Variants in SUCLG2 observed in about 807,000 individuals in gnomAD.
SUCLG2 encodes succinate-CoA ligase GDP-forming subunit beta, also known as succinate--CoA ligase [GDP-forming] subunit beta, mitochondrial.
A neutral mutation model predicts 47.9 loss-of-function variants in SUCLG2; 42 were observed. That is an observed-to-expected ratio of 0.88 (90% CI 0.69 to 1.14). The LOEUF (loss-of-function observed/expected upper bound fraction) is 1.14, where lower values mean the gene tolerates loss of function less well. SUCLG2 is among the 50% of genes most tolerant of loss of function. SUCLG2 has a pLI of 0.00. For synonymous variants in SUCLG2, 195 were observed against 197.3 expected (o/e 0.99, Z 0.10); for missense variants, 571 against 525.9 (o/e 1.09, Z -0.84).
At chr3:67,377,115 T>C (rs79794760) in intron 10 of SUCLG2, among the ~76,000 whole-genome samples, 23,119 of 152,202 alleles carry the variant, frequency 0.15, 1,904 homozygotes, top group Middle Eastern at 0.23. Flanking sequence ...TTACAAAAAC[T>C]ATGAGTAGTC....
intron 9 of SUCLG2, among the ~76,000 whole-genome samples, chr3:67,477,933 C>T (rs1327235870): frequency 3.3e-5 from 5 of 152,162 alleles, no homozygotes; most frequent in African/African-American, 1.2e-4. Context: ...CACTGTTTGC[C>T]AGAAACTGTT....
chr3:67,416,366 C>A (rs1375349490), intron 9 of SUCLG2, among the ~76,000 whole-genome samples: 1 of 152,128 alleles, frequency 6.6e-6, no homozygotes, highest in Non-Finnish European at 1.5e-5. Flanking sequence ...AATCCTTTGC[C>A]ATACTGAAAT....
chr3:67,382,704 G>A (rs1702184420), intron 10 of SUCLG2, among the ~76,000 whole-genome samples: 1 of 152,184 alleles, frequency 6.6e-6, no homozygotes, highest in Non-Finnish European at 1.5e-5. Flanking sequence ...AAACTGATTT[G>A]CTTCATCAGT....
intron 2 of SUCLG2, among the ~76,000 whole-genome samples, chr3:67,603,949 T>G (rs78165229): frequency 3.3e-5 from 5 of 152,170 alleles, no homozygotes; most frequent in Non-Finnish European, 7.4e-5. Flanking sequence ...ATAAGCCTCC[T>G]AAGAAAATTG....
At chr3:67,398,450 G>C (rs1470007867) in intron 10 of SUCLG2, among the ~76,000 whole-genome samples, 3 of 151,754 alleles carry the variant, frequency 2.0e-5, no homozygotes, top group South Asian at 2.1e-4. Context: ...TCAGAGAAAT[G>C]CAAATCAAAA....
Position 67,499,720 on chromosome 3 carries a change from G to GTTTA in SUCLG2, c.758-1429_758-1426dup, listed in dbSNP as rs561344998. On this transcript the variant is annotated intron_variant, in intron 7 of 10. Coordinates refer to ENST00000307227, the MANE Select transcript of SUCLG2 (RefSeq NM_003848.4). ...ATGTCATCATAATGTTTGTTTGTTT[G>GTTTA]TTTATTTATTTATTTATTTATTTAT... Among the ~76,000 whole-genome samples the GTTTA allele has an allele frequency of 4.9e-3, 737 of 150,852 alleles. 1 individual carries two copies. Among genetic ancestry groups the GTTTA allele is most frequent in the Middle Eastern group, 0.017 (5 of 292 alleles).
intron 1 of SUCLG2, among the ~76,000 whole-genome samples, chr3:67,649,389 T>C (rs987165575): frequency 3.3e-5 from 5 of 152,258 alleles, no homozygotes; most frequent in African/African-American, 1.2e-4. Context: ...GAATGAGCTG[T>C]AATAAGCATT....
intron 9 of SUCLG2, among the ~76,000 whole-genome samples, chr3:67,459,163 C>T (rs116246269): frequency 2.0e-4 from 30 of 152,274 alleles, no homozygotes; most frequent in African/African-American, 7.2e-4. Context: ...AATATGAATT[C>T]GTTATCACAG....
At chr3:67,423,558 G>A (rs1368396244) in intron 9 of SUCLG2, among the ~76,000 whole-genome samples, 1 of 151,968 alleles carries the variant, frequency 6.6e-6, no homozygotes, top group Non-Finnish European at 1.5e-5. Context: ...TCTGTGCCTG[G>A]CATTTGAGTC....
chr3:67,425,750 C>T (rs530130961), intron 9 of SUCLG2, among the ~76,000 whole-genome samples: 1 of 152,124 alleles, frequency 6.6e-6, no homozygotes, highest in Admixed American at 6.5e-5. Context: ...ACTGTATGAG[C>T]CAATACCTTA....
At chr3:67,494,531 G>A (rs1705281580) in intron 9 of SUCLG2, among the ~76,000 whole-genome samples, 1 of 152,094 alleles carries the variant, frequency 6.6e-6, no homozygotes, top group African/African-American at 2.4e-5. Context: ...GAGGCTGTGC[G>A]AGGAGGATAC....
At chr3:67,417,856 C>T (rs1165594936) in intron 9 of SUCLG2, among the ~76,000 whole-genome samples, 2 of 152,188 alleles carry the variant, frequency 1.3e-5, no homozygotes, top group African/African-American at 2.4e-5. Context: ...TCCTCCTTTG[C>T]AAGGTGGCCC....
Position 67,470,144 on chromosome 3 carries a change from T to A in SUCLG2, c.1062+25654A>T, listed in dbSNP as rs1031135519. 2.0e-5 allele frequency among the ~76,000 whole-genome samples: 3 copies of A among 151,966 alleles called. No individual in the cohort carries two copies. In the East Asian group the frequency reaches 5.8e-4, roughly 29 times the overall value. ...TTTAATTGTATGGTCTATACATAAA[T>A]CTGATCTAATTCAGGGAATAGAATG... On this transcript the variant is annotated intron_variant, in intron 9 of 10. Transcript: ENST00000307227.
At chr3:67,374,102 A>G (rs1207792200), downstream of SUCLG2, among the ~76,000 whole-genome samples, 1 of 152,336 alleles carries the variant, frequency 6.6e-6, no homozygotes, top group East Asian at 1.9e-4. Context: ...TGTCTAGTTG[A>G]CATAATATAG....
At chr3:67,629,433 G>C (rs1030891654) in intron 1 of SUCLG2, among the ~76,000 whole-genome samples, 1 of 151,984 alleles carries the variant, frequency 6.6e-6, no homozygotes, top group Non-Finnish European at 1.5e-5. Context: ...TATGATTACT[G>C]GTTTATTATA....
At chr3:67,572,902 T>C (rs1707652551) in intron 2 of SUCLG2, among the ~76,000 whole-genome samples, 1 of 152,042 alleles carries the variant, frequency 6.6e-6, no homozygotes, top group Non-Finnish European at 1.5e-5. Context: ...GAAGACATAG[T>C]TCTGTATAGA....
At chr3:67,451,682 G>C (rs1704060248) in intron 9 of SUCLG2, among the ~76,000 whole-genome samples, 1 of 152,102 alleles carries the variant, frequency 6.6e-6, no homozygotes, top group Non-Finnish European at 1.5e-5. Flanking sequence ...TGGGGGTGGG[G>C]CGGCAATTAT....
chr3:67,370,072 G>A (rs1328091433), downstream of SUCLG2, among the ~76,000 whole-genome samples: 3 of 151,938 alleles, frequency 2.0e-5, no homozygotes, highest in Non-Finnish European at 4.4e-5. Flanking sequence ...CAATGTATGC[G>A]AATATTTTAC....
chr3:67,556,626 T>C (rs569694653), intron 2 of SUCLG2, among the ~76,000 whole-genome samples: 1 of 152,206 alleles, frequency 6.6e-6, no homozygotes, highest in African/African-American at 2.4e-5. Flanking sequence ...CTGCATATAT[T>C]TCTTGGCTTT....
Sources: gnomAD v4.1 joint callset for allele counts (sites outside exome capture counted in the v4.1 genomes callset) on GRCh38, gnomAD v4.1.1 for gene constraint, MANE v1.5 for transcripts, NCBI Gene and HGNC (gene_info 2026-07-23, HGNC 2026-07-21) for gene names.